The following CELSR1 variants were observed in gnomAD, a reference collection of about 807,000 sequenced individuals.
CELSR1 encodes cadherin EGF LAG seven-pass G-type receptor 1.
Under a neutral mutation model 249.1 loss-of-function variants are expected in CELSR1, and 110 were observed. The ratio of observed to expected loss-of-function variants is 0.44; its 90% CI spans 0.38 to 0.52. The LOEUF (loss-of-function observed/expected upper bound fraction) is 0.52. Ranked by LOEUF, CELSR1 falls within the 20% of genes least tolerant of loss-of-function variation. The pLI is 0.00. For synonymous variants in CELSR1, 2,113 were observed against 1,900.0 expected (o/e 1.11, Z -2.92); for missense variants, 4,109 against 4,296.4 (o/e 0.96, Z 1.22).
At position 46,440,882 on chromosome 22, in the gene CELSR1, A is replaced by G. The variant is rs187496699; in HGVS notation, c.4184-1471T>C. 5.1e-4 allele frequency among the ~76,000 whole-genome samples: 78 copies of G among 152,248 alleles called. No homozygotes were observed. The highest frequency in any genetic ancestry group is 8.2e-4 in the Non-Finnish European group (56 of 68,004). On this transcript the variant is annotated intron_variant, in intron 2 of 34. Coordinates refer to ENST00000674500, the MANE Select transcript of CELSR1 (RefSeq NM_001378328.1). The surrounding 1 kb of genome is among the most constrained non-coding windows in gnomAD (Gnocchi z 4.7). ...AAAAGACTGCCACAGGCCAGACGCAATGGCTCACACCTATCATCCCAGCAC... is the reference window on the plus strand; with the variant it reads ...AAAAGACTGCCACAGGCCAGACGCAGTGGCTCACACCTATCATCCCAGCAC...
Position 46,419,916 on chromosome 22 carries a change from C to A in CELSR1, c.4612-8157G>T, listed in dbSNP as rs141069812. ...TCACATTCATGTGCATTTATTCATA[C>A]GCTCACACGTACACTTACCCAAACT... On this transcript the variant is annotated intron_variant, in intron 5 of 34. Coordinates refer to ENST00000674500, the MANE Select transcript of CELSR1 (RefSeq NM_001378328.1). Among the ~76,000 whole-genome samples, 323 of 152,038 alleles carry A rather than the reference C, an allele frequency of 2.1e-3. 1 individual carries two copies. The highest frequency in any genetic ancestry group is 7.1e-3 in the African/African-American group (295 of 41,472).
chr22:46,366,941 C>G (rs1009137468), intron 29 of CELSR1, 52 bp downstream of exon 29: 46 of 1,570,502 alleles, frequency 2.9e-5, no homozygotes, highest in African/African-American at 4.0e-5. Context: ...CTCCCCCGCC[C>G]CTCGAGATGC....
chr22:46,463,619 G>A, intron 2 of CELSR1, 88 bp downstream of exon 2: 1 of 1,360,232 alleles, frequency 7.4e-7, no homozygotes. Context: ...TTTCCCCGGA[G>A]GGAAGTAAAC....
rs748403911 is a variant in CELSR1 at position 46,395,763 on chromosome 22, C to T, written c.5843+842G>A. On this transcript the variant is annotated intron_variant, in intron 13 of 34. Transcript: ENST00000674500. This position sits in a 1 kb window ranked among gnomAD's most constrained non-coding sequence, Gnocchi z 5.5. ...ATGAGCCACAGGGGCATCACCTCCA[C>T]GGCGGCCTGGAACCTTGGTTTATGA... 2.6e-5 allele frequency among the ~76,000 whole-genome samples: 4 copies of T among 152,178 alleles called. No homozygotes were observed. Among genetic ancestry groups the T allele is most frequent in the East Asian group, 3.8e-4 (2 of 5,196 alleles).
In CELSR1 at chr22:46,367,855, G is replaced by C. The variant is rs1174110818; in HGVS notation, c.7953C>G (p.Val2651=). 1.9e-6 allele frequency: 3 copies of C among 1,608,952 alleles called. No homozygotes were observed. Among genetic ancestry groups the C allele is most frequent in the East Asian group, 2.2e-5 (1 of 44,798 alleles). ...GGAGGAATGCGGTCCTCAGCAGGGA[G>C]CTGCGGGAGGGCAGGATCAGGCCTG... is the stretch of plus-strand genomic sequence containing the variant. The part of the protein sequence containing the change: ...KHHYYGKKGI[V]SLLRTAFLLL... The change falls in exon 28 of 35, where the codon GTC becomes GTG. Residue 2651 remains valine (V), a splice_region_variant and synonymous_variant. Transcript: ENST00000674500.
chr22:46,421,723 C>T (rs1473731358), intron 5 of CELSR1, among the ~76,000 whole-genome samples: 3 of 152,244 alleles, frequency 2.0e-5, no homozygotes, highest in Non-Finnish European at 2.9e-5. Context: ...ATCCTGAGTC[C>T]GAGATGCAGG....
Position 46,430,551 on chromosome 22 carries a change from G to A in CELSR1, c.4611+2842C>T, listed in dbSNP as rs190266739. Among the ~76,000 whole-genome samples, 77 of 152,034 alleles carry A rather than the reference G, an allele frequency of 5.1e-4. No homozygotes were observed. The highest frequency in any genetic ancestry group is 1.6e-3 in the African/African-American group (67 of 41,478). On this transcript the variant is annotated intron_variant, in intron 5 of 34. Coordinates refer to ENST00000674500, the MANE Select transcript of CELSR1 (RefSeq NM_001378328.1). The surrounding 1 kb of genome is among the most constrained non-coding windows in gnomAD (Gnocchi z 4.6). The stretch of plus-strand genomic sequence containing the variant: ...ACACCCCTCATCGTCCAGCCCCAAC[G>A]CCTCCTCCTCCTGGGGGTCCCCTCC...
At chr22:46,489,696 T>C (rs867171630) in intron 1 of CELSR1, among the ~76,000 whole-genome samples, 4 of 152,130 alleles carry the variant, frequency 2.6e-5, no homozygotes, top group South Asian at 4.2e-4. Flanking sequence ...GTGGATCACC[T>C]GAGGTCAGGA....
Position 46,470,783 on chromosome 22 carries a change from C to G in CELSR1, c.3545-6438G>C, listed in dbSNP as rs555855683. On this transcript the variant is annotated intron_variant, in intron 1 of 34. Transcript: ENST00000674500. The stretch of plus-strand genomic sequence containing the variant: ...GACGCAGCTAAACCACACAGTAGCA[C>G]AAACCTCCATTTCTGGCAGAGATAG... Among the ~76,000 whole-genome samples the G allele has an allele frequency of 5.9e-5, 9 of 152,202 alleles. 1 individual carries two copies. In the Middle Eastern group the frequency reaches 0.01, roughly 173 times the overall value.
At position 46,471,844 on chromosome 22, in the gene CELSR1, C is replaced by T. The variant is rs1250012873; in HGVS notation, c.3545-7499G>A. On this transcript the variant is annotated intron_variant, in intron 1 of 34. Coordinates refer to ENST00000674500, the MANE Select transcript of CELSR1 (RefSeq NM_001378328.1). This position sits in a 1 kb window ranked among gnomAD's most constrained non-coding sequence, Gnocchi z 4.9. Reference sequence around the variant, plus strand: ...CAGCTCCCCTGCACCGTGGTGGCTTCCAGCCTTCCCTGGGTCTGGGACCTG... The same window carrying T: ...CAGCTCCCCTGCACCGTGGTGGCTTTCAGCCTTCCCTGGGTCTGGGACCTG... 6.6e-6 allele frequency among the ~76,000 whole-genome samples: 1 copy of T among 152,228 alleles called. No homozygotes were observed. The highest frequency in any genetic ancestry group is 1.5e-5 in the Non-Finnish European group (1 of 68,050).
At chr22:46,508,519 C>T (rs1444779783) in intron 1 of CELSR1, among the ~76,000 whole-genome samples, 1 of 149,340 alleles carries the variant, frequency 6.7e-6, no homozygotes, top group Non-Finnish European at 1.5e-5. Context: ...TTTCTCACAG[C>T]CGGGGTCCCC....
At position 46,363,996 on chromosome 22, in the gene CELSR1, T is replaced by C. The variant is rs2147150202; in HGVS notation, c.9035A>G (p.Glu3012Gly). 6.2e-7 allele frequency: 1 copy of C among 1,600,168 alleles called. No individual in the cohort carries two copies. Among genetic ancestry groups the C allele is most frequent in the Middle Eastern group, 1.9e-4 (1 of 5,392 alleles). The change falls in exon 34 of 35, where the codon GAA becomes GGA. Residue 3012 changes from glutamate to glycine, a missense_variant and splice_region_variant. This residue lies in a region of CELSR1 where 1,805 missense variants were observed against 1,831.6 expected (regional missense o/e 0.99). Coordinates refer to ENST00000674500, the MANE Select transcript of CELSR1 (RefSeq NM_001378328.1). This position sits in a 1 kb window ranked among gnomAD's most constrained non-coding sequence, Gnocchi z 4.3. The stretch of plus-strand genomic sequence containing the variant: ...CGCCCTGGAGGCCCAGGCTACTCAC[T>C]CAGAGTCGGAGCCATCGGCCTGGGC... Reference protein sequence around the residue: ...GSAQADGSDSEGSNETSI With the variant: ...GSAQADGSDSGGSNETSI
At chr22:46,394,946 A>G (rs2079131943) in intron 13 of CELSR1, among the ~76,000 whole-genome samples, 1 of 152,180 alleles carries the variant, frequency 6.6e-6, no homozygotes, top group Admixed American at 6.5e-5. Context: ...TGTTCCTGAC[A>G]GGGCTGCACC....
In CELSR1 at chr22:46,537,082, G is replaced by A. The variant is rs1602257017; in HGVS notation, c.89C>T (p.Ala30Val). Residue 30 changes from alanine to valine, a missense_variant, in exon 1 of 35, where the codon GCC (alanine) becomes GTC (valine). Physicochemically the swap from Ala to Val is moderately conservative, Grantham distance 64. Transcript: ENST00000674500. The surrounding 1 kb of genome is among the most constrained non-coding windows in gnomAD (Gnocchi z 5.8). ...CCCGCCGGGTACGCGCGGCTCCCAG[G>A]CGGCCGCTCGCAGCCCCATCGCCGG... ...ALPAMGLRAA[A>V]WEPRVPGGTR... The A allele has an allele frequency of 1.9e-6, 2 of 1,048,958 alleles. No individual in the cohort carries two copies. Among genetic ancestry groups the A allele is most frequent in the Admixed American group, 5.5e-5 (1 of 18,132 alleles). The allele number at this position is 1,048,958 out of a possible 1,614,324, so 65.0% of individuals were successfully genotyped here.
intron 5 of CELSR1, among the ~76,000 whole-genome samples, chr22:46,431,093 G>A (rs931876060): frequency 3.9e-5 from 6 of 152,202 alleles, no homozygotes; most frequent in African/African-American, 9.6e-5. Context: ...GACAGGACCC[G>A]GCCCTAGACA....
At chr22:46,405,243 G>A (rs1286817001) in intron 9 of CELSR1, among the ~76,000 whole-genome samples, 4 of 150,972 alleles carry the variant, frequency 2.6e-5, no homozygotes, top group Admixed American at 6.6e-5. Flanking sequence ...GGTGGATCAC[G>A]AGGTCAGGAG....
Position 46,429,085 on chromosome 22 carries a change from T to TA in CELSR1, c.4611+4307dup, listed in dbSNP as rs969448306. Among the ~76,000 whole-genome samples, 1 of 151,980 alleles carries TA rather than the reference T, an allele frequency of 6.6e-6. No individual in the cohort carries two copies. The highest frequency in any genetic ancestry group is 1.5e-5 in the Non-Finnish European group (1 of 67,984). ...CGCAGGCAGCCTCAGGGAAGCACAG[T>TA]AAGGGAATGACCCGCTCAGTGCAGC... On this transcript the variant is annotated intron_variant, in intron 5 of 34. Transcript: ENST00000674500. This position sits in a 1 kb window ranked among gnomAD's most constrained non-coding sequence, Gnocchi z 4.1.
At position 46,535,101 on chromosome 22, in the gene CELSR1, G is replaced by T. The variant is rs140689134; in HGVS notation, c.2070C>A (p.Pro690=). The part of the protein sequence containing the change: ...VNDNDPVFTQ[P]TYELRLNEDA... The stretch of plus-strand genomic sequence containing the variant: ...CCTCATTCAGACGAAGCTCGTAGGT[G>T]GGCTGCGTGAACACCGGGTCGTTGT... The change falls in exon 1 of 35, where the codon CCC becomes CCA. Residue 690 remains proline, a synonymous_variant. Transcript: ENST00000674500. 2.5e-6 allele frequency: 4 copies of T among 1,611,936 alleles called. No individual in the cohort carries two copies. The highest frequency in any genetic ancestry group is 2.5e-6 in the Non-Finnish European group (3 of 1,179,930).
Position 46,412,564 on chromosome 22 carries a change from T to G in CELSR1, c.4612-805A>C, listed in dbSNP as rs948811108. Among the ~76,000 whole-genome samples, 5 of 152,138 alleles carry G rather than the reference T, an allele frequency of 3.3e-5. No homozygotes were observed. The highest frequency in any genetic ancestry group is 7.3e-5 in the Non-Finnish European group (5 of 68,032). ...AGAGTTCTTCTGGAATCAGTGACCT[T>G]GGGTGAAACCTTTCCCTTCTCCAAG... On this transcript the variant is annotated intron_variant, in intron 5 of 34. Transcript: ENST00000674500. The surrounding 1 kb of genome is among the most constrained non-coding windows in gnomAD (Gnocchi z 4.5).
Sources: allele counts gnomAD v4.1 joint callset (sites outside exome capture counted in the v4.1 genomes callset), GRCh38; gene constraint gnomAD v4.1.1; regional missense constraint gnomAD v4.1.1; non-coding constraint Gnocchi (gnomAD v3.1); transcripts MANE v1.5; gene names NCBI Gene and HGNC (gene_info 2026-07-23, HGNC 2026-07-21).